The following ZNF407 variants were observed in gnomAD, a reference collection of about 807,000 sequenced individuals.
The protein encoded by ZNF407 is zinc finger protein 407.
ZNF407 carries 17 observed loss-of-function variants against 131.2 expected under a neutral mutation model. That is an observed-to-expected ratio of 0.13 (90% CI 0.09 to 0.19). The LOEUF (loss-of-function observed/expected upper bound fraction) is 0.19. ZNF407 is among the 10% of genes least tolerant of loss of function. ZNF407 has a pLI of 1.00. For missense variants in ZNF407, 2,681 were observed against 2,830.6 expected, an observed-to-expected ratio of 0.95 and a Z score of 1.20; for synonymous variants, 1,156 against 1,062.0, an observed-to-expected ratio of 1.09 and a Z score of -1.72.
At chr18:74,952,896 C>T (rs113407991) in intron 8 of ZNF407, among the ~76,000 whole-genome samples, 29 of 152,242 alleles carry the variant, frequency 1.9e-4, no homozygotes, top group Middle Eastern at 6.8e-3. Context: ...GAATGGTTGA[C>T]GGAACACGAG....
intron 4 of ZNF407, among the ~76,000 whole-genome samples, chr18:74,812,861 T>C (rs1165380787): frequency 6.6e-6 from 1 of 152,204 alleles, no homozygotes; most frequent in Non-Finnish European, 1.5e-5. Flanking sequence ...ATGCCTTCTT[T>C]TAAGCCATCC....
intron 1 of ZNF407, among the ~76,000 whole-genome samples, chr18:74,608,769 T>C (rs62097587): frequency 0.11 from 16,334 of 152,256 alleles, 985 homozygotes; most frequent in Non-Finnish European, 0.14. Flanking sequence ...AATTGAGGTT[T>C]AGGCATTTTT....
At chr18:74,881,681 A>G (rs1971240597) in intron 6 of ZNF407, among the ~76,000 whole-genome samples, 1 of 152,224 alleles carries the variant, frequency 6.6e-6, no homozygotes, top group Non-Finnish European at 1.5e-5. Context: ...TATTAAAAAT[A>G]GAAAACATCA....
intron 4 of ZNF407, among the ~76,000 whole-genome samples, chr18:74,856,927 C>T (rs1006416582): frequency 3.3e-5 from 5 of 152,170 alleles, no homozygotes; most frequent in East Asian, 1.9e-4. Flanking sequence ...TGCTATCCTG[C>T]GTTAGCTTAC....
chr18:75,055,427 C>T (rs1327539267), intron 8 of ZNF407, among the ~76,000 whole-genome samples: 9 of 152,184 alleles, frequency 5.9e-5, no homozygotes, highest in African/African-American at 1.9e-4. Flanking sequence ...CCACAAAGCC[C>T]GTCAAGATAA....
chr18:74,872,117 G>A (rs1971095213), intron 4 of ZNF407, among the ~76,000 whole-genome samples: 1 of 151,988 alleles, frequency 6.6e-6, no homozygotes, highest in East Asian at 1.9e-4. Context: ...CAAAATTTTA[G>A]AACTACAGTT....
chr18:74,994,174 A>T (rs1182139810), intron 8 of ZNF407, among the ~76,000 whole-genome samples: 3 of 152,220 alleles, frequency 2.0e-5, no homozygotes, highest in Non-Finnish European at 4.4e-5. Context: ...GTCCTTGTTC[A>T]TAGGAAGCTC....
At chr18:74,648,795 G>T (rs1267128830) in intron 3 of ZNF407, among the ~76,000 whole-genome samples, 1 of 152,174 alleles carries the variant, frequency 6.6e-6, no homozygotes, top group Non-Finnish European at 1.5e-5. Context: ...TGCTGTAATT[G>T]TTTCCATACT....
chr18:74,974,744 G>A lies in ZNF407; in HGVS notation c.5428+54052G>A, dbSNP rs982606147. On this transcript the variant is annotated intron_variant, in intron 8 of 8. Coordinates refer to ENST00000299687, the MANE Select transcript of ZNF407 (RefSeq NM_017757.3). Reference sequence around the variant, plus strand: ...AGATCATCAGAGTTCTTCATGCAATGAAAGTTGTGCATCTCTGATATTATC... The same window carrying A: ...AGATCATCAGAGTTCTTCATGCAATAAAAGTTGTGCATCTCTGATATTATC... 2.5e-4 allele frequency among the ~76,000 whole-genome samples: 38 copies of A among 152,280 alleles called. 1 individual carries two copies. The highest frequency in any genetic ancestry group is 8.9e-4 in the African/African-American group (37 of 41,558).
intron 8 of ZNF407, among the ~76,000 whole-genome samples, chr18:75,041,233 A>G (rs1425370894): frequency 6.6e-6 from 1 of 152,238 alleles, no homozygotes; most frequent in East Asian, 1.9e-4. Context: ...CTTAATGTCT[A>G]CATAAAATCA....
At chr18:74,990,372 G>A (rs567372633) in intron 8 of ZNF407, among the ~76,000 whole-genome samples, 275 of 152,204 alleles carry the variant, frequency 1.8e-3, no homozygotes, top group African/African-American at 6.3e-3. Context: ...CAAAATTGTG[G>A]TCATTAAAGT....
intron 6 of ZNF407, among the ~76,000 whole-genome samples, chr18:74,884,981 C>A (rs1971288105): frequency 6.6e-6 from 1 of 152,074 alleles, no homozygotes; most frequent in South Asian, 2.1e-4. Flanking sequence ...AAGAAAATAG[C>A]AGTGAGTTTT....
chr18:75,023,856 G>A (rs1327199910), intron 8 of ZNF407, among the ~76,000 whole-genome samples: 1 of 152,172 alleles, frequency 6.6e-6, no homozygotes, highest in Non-Finnish European at 1.5e-5. Context: ...TGTTGTAGTT[G>A]CACTTTGAAA....
intron 1 of ZNF407, among the ~76,000 whole-genome samples, chr18:74,618,903 T>G (rs1216489418): frequency 1.3e-5 from 2 of 152,232 alleles, no homozygotes; most frequent in African/African-American, 4.8e-5. Context: ...CCATATGTCT[T>G]GAGGCTTGAT....
chr18:74,882,338 A>C (rs889620247), intron 6 of ZNF407, among the ~76,000 whole-genome samples: 1 of 152,326 alleles, frequency 6.6e-6, no homozygotes, highest in African/African-American at 2.4e-5. Flanking sequence ...TCAGATGATA[A>C]GTCACTTGAT....
intron 1 of ZNF407, among the ~76,000 whole-genome samples, chr18:74,606,457 A>G (rs922450351): frequency 4.6e-5 from 7 of 152,158 alleles, no homozygotes; most frequent in Non-Finnish European, 5.9e-5. Flanking sequence ...GCCCAGGCTG[A>G]TCTCGAGCTC....
chr18:74,618,194 G>T (rs1156846857), intron 1 of ZNF407, among the ~76,000 whole-genome samples: 2 of 151,764 alleles, frequency 1.3e-5, no homozygotes, highest in African/African-American at 4.8e-5. Flanking sequence ...TTTCTTTAAA[G>T]CATTTCCCTA....
chr18:74,780,749 C>G (rs1181255315), intron 3 of ZNF407, among the ~76,000 whole-genome samples: 1 of 152,076 alleles, frequency 6.6e-6, no homozygotes, highest in Admixed American at 6.6e-5. Context: ...TGATACTGCA[C>G]TGTGTTCAGG....
At position 74,633,468 on chromosome 18, in the gene ZNF407, G is replaced by T. The variant is rs1221204187; in HGVS notation, c.2449G>T (p.Ala817Ser). Residue 817 changes from alanine to serine, a missense_variant, in exon 2 of 9, where the codon GCG becomes TCG. This residue lies in a region of ZNF407 where 1,789 missense variants were observed against 1,748.7 expected (regional missense o/e 1.02). Transcript: ENST00000299687. Reference sequence around the variant, plus strand: ...TTCCTATCTTGAGAAGGGCATGCTGGCGTCTGAGGAACTGTCACAGTCTGG... The same window carrying T: ...TTCCTATCTTGAGAAGGGCATGCTGTCGTCTGAGGAACTGTCACAGTCTGG... ...EHSYLEKGMLASEELSQSGGS... is the reference protein window; with the variant it reads ...EHSYLEKGMLSSEELSQSGGS... 1.9e-6 allele frequency: 3 copies of T among 1,613,978 alleles called. No homozygotes were observed. The highest frequency in any genetic ancestry group is 3.3e-5 in the Admixed American group (2 of 60,028).
Sources: allele counts gnomAD v4.1 joint callset (sites outside exome capture counted in the v4.1 genomes callset), GRCh38; gene constraint gnomAD v4.1.1; regional missense constraint gnomAD v4.1.1; transcripts MANE v1.5; gene names NCBI Gene and HGNC (gene_info 2026-07-23, HGNC 2026-07-21).